LLGL2: variants seen among roughly 807,000 people sequenced by gnomAD.
LLGL2 encodes LLGL scribble cell polarity complex component 2.
A neutral mutation model predicts 123.2 loss-of-function variants in LLGL2; 81 were observed. The observed-to-expected ratio is 0.66, with a 90% CI of 0.55 to 0.79. LLGL2 has a LOEUF of 0.79. LLGL2 is among the 30% of genes least tolerant of loss of function. The probability of loss-of-function intolerance (pLI) is 0.00; values close to 1 mark genes in which losing one functional copy is unlikely to be tolerated. For synonymous variants in LLGL2, 577 were observed against 594.1 expected, an observed-to-expected ratio of 0.97 and a Z score of 0.42; for missense variants, 1,273 against 1,414.6, an observed-to-expected ratio of 0.90 and a Z score of 1.61.
intron 2 of LLGL2, among the ~76,000 whole-genome samples, chr17:75,550,780 C>A (rs1339423223): frequency 2.0e-4 from 19 of 94,678 alleles, no homozygotes; most frequent in African/African-American, 4.1e-4. Flanking sequence ...GACCCTGTCT[C>A]AAAAAAAAAA....
At chr17:75,569,536 C>T (rs1184208838) in intron 14 of LLGL2, among the ~76,000 whole-genome samples, 3 of 152,206 alleles carry the variant, frequency 2.0e-5, no homozygotes, top group African/African-American at 4.8e-5. Context: ...GGCACGGTGG[C>T]TCATGCCTGT....
rs970969955 is a variant in LLGL2 at position 75,558,184 on chromosome 17, G to A, written c.203G>A (p.Gly68Glu). 1 of 1,613,790 alleles carries A rather than the reference G, an allele frequency of 6.2e-7. No homozygotes were observed. Among genetic ancestry groups the A allele is most frequent in the Non-Finnish European group, 8.5e-7 (1 of 1,179,980 alleles). Reference protein sequence around the residue: ...LYGAPGVEFMGLHQENNAVTQ... With the variant: ...LYGAPGVEFMELHQENNAVTQ... ...GGAGCCCCAGGCGTGGAGTTCATGG[G>A]GCTGCACCAGGAGAACAACGCTGTG... Residue 68 changes from glycine (G) to glutamate (E), a missense_variant, in exon 4 of 26, where the codon GGG becomes GAG. Gly to Glu is a moderately conservative substitution (Grantham distance 98, BLOSUM62 -2). Transcript: ENST00000392550. This position sits in a 1 kb window ranked among gnomAD's most constrained non-coding sequence, Gnocchi z 4.0.
chr17:75,571,246 G>A, intron 17 of LLGL2, 146 bp downstream of exon 17: 1 of 763,332 alleles, frequency 1.3e-6, no homozygotes, highest in Non-Finnish European at 2.2e-6. Flanking sequence ...TGCAGCCCCT[G>A]CCTGCTTACT....
chr17:75,528,091 T>C lies in LLGL2; in HGVS notation c.-31+2266T>C, dbSNP rs144254611. Among the ~76,000 whole-genome samples, 12 of 151,664 alleles carry C rather than the reference T, an allele frequency of 7.9e-5. No individual in the cohort carries two copies. In the East Asian group the frequency reaches 2.3e-3, roughly 30 times the overall value. On this transcript the variant is annotated intron_variant, in intron 1 of 25. Coordinates refer to ENST00000392550, the MANE Select transcript of LLGL2 (RefSeq NM_001031803.2). ...AACTGCCACGCCAGACCCGTTAGTA[T>C]AAATAACTTTTTATTATTTTTATTT...
chr17:75,568,242 G>A (rs935046224), intron 10 of LLGL2: 2 of 1,416,712 alleles, frequency 1.4e-6, no homozygotes, highest in African/African-American at 2.9e-5. Flanking sequence ...TTCCAGCCAG[G>A]TGTATCCCCC....
In LLGL2 at chr17:75,571,702, A is replaced by G; in HGVS notation, c.2212A>G (p.Asn738Asp). ...RHCPSLWAGT[N>D]GGTIYAFSLR... is the part of the protein sequence containing the mutation. ...CTGCCCCTCGCTGTGGGCTGGCACC[A>G]ATGGGGGCACCATCTATGCCTTCTC... is the stretch of plus-strand genomic sequence containing the variant. Residue 738 changes from asparagine to aspartate, a missense_variant, in exon 18 of 26, where the codon AAT becomes GAT. Coordinates refer to ENST00000392550, the MANE Select transcript of LLGL2 (RefSeq NM_001031803.2). The G allele has an allele frequency of 6.2e-7, 1 of 1,609,620 alleles. No individual in the cohort carries two copies. Among genetic ancestry groups the G allele is most frequent in the Admixed American group, 1.7e-5 (1 of 60,018 alleles).
intron 2 of LLGL2, among the ~76,000 whole-genome samples, chr17:75,545,947 G>T (rs1373520200): frequency 6.6e-6 from 1 of 152,156 alleles, no homozygotes; most frequent in Admixed American, 6.5e-5. Context: ...TTATTTAGCA[G>T]TGTCCCTAGT....
At chr17:75,532,053 TATAC>T (rs2053808846) in intron 1 of LLGL2, among the ~76,000 whole-genome samples, 1 of 70,296 alleles carries the variant, frequency 1.4e-5, no homozygotes, top group African/African-American at 4.0e-5. Flanking sequence ...TATATGTATA[TATAC>T]ACACACACAC....
chr17:75,544,881 C>T lies in LLGL2; in HGVS notation c.75+1380C>T, dbSNP rs1598544604. 6.6e-6 allele frequency among the ~76,000 whole-genome samples: 1 copy of T among 152,110 alleles called. No individual in the cohort carries two copies. The highest frequency in any genetic ancestry group is 1.9e-4 in the East Asian group (1 of 5,198). On this transcript the variant is annotated intron_variant, in intron 2 of 25. Transcript: ENST00000392550. The surrounding 1 kb of genome is among the most constrained non-coding windows in gnomAD (Gnocchi z 4.2). ...TATCCCAACGTGCCTCCTGCCAGCTCGCTTTTGGGCCTTGGGATATGGGGG... is the reference window on the plus strand; with the variant it reads ...TATCCCAACGTGCCTCCTGCCAGCTTGCTTTTGGGCCTTGGGATATGGGGG...
intron 10 of LLGL2, among the ~76,000 whole-genome samples, chr17:75,565,362 G>A (rs955850283): frequency 1.3e-5 from 2 of 152,248 alleles, no homozygotes; most frequent in Non-Finnish European, 2.9e-5. Context: ...GCCTGAGGCC[G>A]AAAGGTGAGG....
At chr17:75,569,878 T>C in intron 14 of LLGL2, 85 bp from the exon 15 acceptor site, 1 of 1,402,410 alleles carries the variant, frequency 7.1e-7, no homozygotes, top group Non-Finnish European at 9.6e-7. Flanking sequence ...TGGGCCCAGC[T>C]CCTTTGCTGT....
chr17:75,568,577 G>A lies in LLGL2; in HGVS notation c.1138G>A (p.Ala380Thr), dbSNP rs1451798742. Reference protein sequence around the residue: ...GWPPVQLPYLASLHCSAITCS... With the variant: ...GWPPVQLPYLTSLHCSAITCS... ...GCCACCGGTCCAGCTGCCCTACCTG[G>A]CTTCTCTGCACTGTTCCGCCATCAC... Residue 380 changes from alanine to threonine, a missense_variant, in exon 11 of 26, where the codon GCT becomes ACT. By Grantham distance (58) the Ala-to-Thr change is moderately conservative. Transcript: ENST00000392550. The A allele has an allele frequency of 6.2e-7, 1 of 1,613,912 alleles. No homozygotes were observed. The highest frequency in any genetic ancestry group is 1.7e-5 in the Admixed American group (1 of 60,026).
chr17:75,561,691 C>T (rs966520608), intron 6 of LLGL2, among the ~76,000 whole-genome samples: 2 of 152,016 alleles, frequency 1.3e-5, no homozygotes, highest in African/African-American at 2.4e-5. Context: ...GAGGCGGAGG[C>T]GGGTGGATCA....
chr17:75,540,105 G>A (rs974188184), intron 1 of LLGL2, among the ~76,000 whole-genome samples: 8 of 152,110 alleles, frequency 5.3e-5, no homozygotes, highest in South Asian at 2.1e-4. Flanking sequence ...GGAGCTATGC[G>A]GTGCTGTGAT....
Position 75,573,185 on chromosome 17 carries a change from C to A in LLGL2, c.2632C>A (p.Leu878Met). The A allele has an allele frequency of 6.2e-7, 1 of 1,612,982 alleles. No homozygotes were observed. ...CCTGGGCGACATCCAGGTGGTCTCG[C>A]TGCCCCTGCTCAAGCCCCAGGTGCG... Reference protein sequence around the residue: ...TNLGDIQVVSLPLLKPQVRYS... With the variant: ...TNLGDIQVVSMPLLKPQVRYS... The change falls in exon 20 of 26, where the codon CTG becomes ATG. Residue 878 changes from leucine (L) to methionine (M), a missense_variant. Coordinates refer to ENST00000392550, the MANE Select transcript of LLGL2 (RefSeq NM_001031803.2).
At chr17:75,545,506 G>A (rs1056448846) in intron 2 of LLGL2, among the ~76,000 whole-genome samples, 10 of 152,048 alleles carry the variant, frequency 6.6e-5, no homozygotes, top group Admixed American at 5.9e-4. Flanking sequence ...AGACTCATCC[G>A]GCTCGGGGAG....
intron 2 of LLGL2, among the ~76,000 whole-genome samples, chr17:75,554,680 C>T (rs983632974): frequency 6.0e-5 from 9 of 151,140 alleles, no homozygotes; most frequent in Admixed American, 1.3e-4. Context: ...CCAAGATGGG[C>T]GGATCGAGAC....
rs2147617149 is a variant in LLGL2 at position 75,575,076 on chromosome 17, T to C, written c.*198T>C. 1 of 684,350 alleles carries C rather than the reference T, an allele frequency of 1.5e-6. No homozygotes were observed. The highest frequency in any genetic ancestry group is 1.8e-5 in the African/African-American group (1 of 56,034). The allele number at this position is 684,350 out of a possible 1,614,324, so 42.4% of individuals were successfully genotyped here. A position where few individuals can be genotyped will look rare whatever the true frequency, so the allele number is the denominator to read the frequency against. ...TGGGCTGCCCTTCCCGGGCCTCGTC[T>C]GTCTGGGTCCTTTGGTCAATGTTGC... On this transcript the variant is annotated 3_prime_UTR_variant, in exon 26 of 26. Transcript: ENST00000392550.
At chr17:75,565,673 G>C (rs2055414524) in intron 10 of LLGL2, among the ~76,000 whole-genome samples, 1 of 152,192 alleles carries the variant, frequency 6.6e-6, no homozygotes, top group Admixed American at 6.5e-5. Flanking sequence ...AGACTGCTGG[G>C]GCTTTCTAGG....
Sources: gnomAD v4.1 joint callset for allele counts (sites outside exome capture counted in the v4.1 genomes callset) on GRCh38, gnomAD v4.1.1 for gene constraint, Gnocchi (gnomAD v3.1) non-coding constraint, MANE v1.5 for transcripts, NCBI Gene and HGNC (gene_info 2026-07-23, HGNC 2026-07-21) for gene names.